Variants in PITX3 observed in about 807,000 individuals in gnomAD.
PITX3 encodes paired like homeodomain 3, also known as pituitary homeobox 3.
In PITX3, 4 loss-of-function variants were observed where a neutral mutation model predicts 14.2. That is an observed-to-expected ratio of 0.28 (90% confidence interval 0.14 to 0.65). PITX3 has a LOEUF of 0.65. Ranked by LOEUF, PITX3 falls within the 30% of genes least tolerant of loss-of-function variation. The pLI is 0.82. For synonymous variants in PITX3, 194 were observed against 204.5 expected, an observed-to-expected ratio of 0.95 and a Z score of 0.44; for missense variants, 358 against 426.8, an observed-to-expected ratio of 0.84 and a Z score of 1.42.
At chr10:102,231,854 G>C in intron 2 of PITX3, 64 bp from the exon 3 acceptor site, 1 of 1,578,390 alleles carries the variant, frequency 6.3e-7, no homozygotes, top group Non-Finnish European at 8.6e-7. Flanking sequence ...CCGGCTCGGG[G>C]ACCTCCTAAG....
intron 1 of PITX3, among the ~76,000 whole-genome samples, chr10:102,233,439 G>C (rs1194257853): frequency 6.6e-6 from 1 of 151,714 alleles, no homozygotes; most frequent in Non-Finnish European, 1.5e-5. Flanking sequence ...ATGTAGCTGG[G>C]ACTACAGGCA....
intron 1 of PITX3, among the ~76,000 whole-genome samples, chr10:102,236,401 C>CCACCCCTAGACTTTTTGCCA (rs1453242956): frequency 6.6e-6 from 1 of 152,206 alleles, no homozygotes; most frequent in Non-Finnish European, 1.5e-5. Flanking sequence ...GCTGCCGGCC[C>CCACCCCTAGACTTTTTGCCA]CACCCCTAGA....
chr10:102,240,905 G>A (rs988104691), intron 1 of PITX3, among the ~76,000 whole-genome samples: 1 of 152,186 alleles, frequency 6.6e-6, no homozygotes, highest in Non-Finnish European at 1.5e-5. Flanking sequence ...AGCCTAGGCC[G>A]AGGGGCATCG....
intron 1 of PITX3, among the ~76,000 whole-genome samples, chr10:102,236,905 T>G (rs2070409072): frequency 6.6e-6 from 1 of 152,200 alleles, no homozygotes; most frequent in Non-Finnish European, 1.5e-5. Flanking sequence ...GGTCCTTAAG[T>G]GGACATGGCT....
At chr10:102,237,320 C>T (rs7910399) in intron 1 of PITX3, among the ~76,000 whole-genome samples, 11,952 of 152,046 alleles carry the variant, frequency 0.079, 541 homozygotes, top group African/African-American at 0.12. Context: ...ATTGGGAGTT[C>T]AAGAGGAAGA....
chr10:102,240,658 T>C (rs1045551482), intron 1 of PITX3, among the ~76,000 whole-genome samples: 1 of 152,198 alleles, frequency 6.6e-6, no homozygotes, highest in South Asian at 2.1e-4. Context: ...CCGAGCCCCA[T>C]GCACCGCGGA....
chr10:102,236,753 G>A (rs145709120), intron 1 of PITX3, among the ~76,000 whole-genome samples: 7 of 152,312 alleles, frequency 4.6e-5, no homozygotes, highest in South Asian at 2.1e-4. Flanking sequence ...GCCCACAATC[G>A]GTTGCAATAA....
intron 1 of PITX3, among the ~76,000 whole-genome samples, chr10:102,240,150 TG>T (rs942732397): frequency 6.6e-6 from 1 of 152,310 alleles, no homozygotes; most frequent in Non-Finnish European, 1.5e-5. Flanking sequence ...GCAAGGAGTC[TG>T]GGGGGTGTCT....
Position 102,231,002 on chromosome 10 carries a change from C to G in PITX3, c.421G>C (p.Val141Leu), listed in dbSNP as rs764331094. Reference sequence around the variant, plus strand: ...GGGTACACCTCCTCGTAGGGCGGCACCAGCCCCCCGAGCGGCGCCGCGAAG... The same window carrying G: ...GGGTACACCTCCTCGTAGGGCGGCAGCAGCCCCCCGAGCGGCGCCGCGAAG... ...GSFAAPLGGL[V>L]PPYEEVYPGY... Residue 141 changes from valine to leucine, a missense_variant, in exon 4 of 4, where the codon GTG becomes CTG. Physicochemically the swap from Val to Leu is conservative, Grantham distance 32. Coordinates refer to ENST00000370002, the MANE Select transcript of PITX3 (RefSeq NM_005029.4). 1.3e-6 allele frequency: 2 copies of G among 1,599,914 alleles called. No homozygotes were observed. Among genetic ancestry groups the G allele is most frequent in the East Asian group, 4.5e-5 (2 of 44,220 alleles).
chr10:102,232,677 G>A (rs754504505), intron 1 of PITX3, among the ~76,000 whole-genome samples: 1 of 150,082 alleles, frequency 6.7e-6, no homozygotes, highest in Non-Finnish European at 1.5e-5. Flanking sequence ...GCAAGATGCT[G>A]TCTCAAAAAA....
chr10:102,230,441 C>A lies in PITX3; in HGVS notation c.*73G>T. ...GACCCTGGGGCGGGAGCAAGCCAGTCAAAATGACCCCAGTCCGCGGAGGCT... is the reference window on the plus strand; with the variant it reads ...GACCCTGGGGCGGGAGCAAGCCAGTAAAAATGACCCCAGTCCGCGGAGGCT... On this transcript the variant is annotated 3_prime_UTR_variant, in exon 4 of 4. Transcript: ENST00000370002. 6.5e-7 allele frequency: 1 copy of A among 1,536,846 alleles called. No homozygotes were observed. The highest frequency in any genetic ancestry group is 8.8e-7 in the Non-Finnish European group (1 of 1,137,390).
chr10:102,231,660 C>T lies in PITX3; in HGVS notation c.249G>A (p.Arg83=), dbSNP rs1376217104. The T allele has an allele frequency of 7.4e-6, 12 of 1,612,552 alleles. No homozygotes were observed. The highest frequency in any genetic ancestry group is 1.0e-5 in the Non-Finnish European group (12 of 1,179,450). The change falls in exon 3 of 4, where the codon AGG becomes AGA. Residue 83 remains arginine, a synonymous_variant. Coordinates refer to ENST00000370002, the MANE Select transcript of PITX3 (RefSeq NM_005029.4). ...GCGTGCTCATGTCGGGGTAGCGGTT[C>T]CTCTGGAAGGTCGCCTCTAGCTCCT... ...QLQELEATFQ[R]NRYPDMSTRE...
rs2281983 is a variant in PITX3, at chr10:102,231,624, G to T, written c.285C>A (p.Ile95=). ...RYPDMSTREE[I]AVWTNLTEAR... is the part of the protein sequence containing the mutation. ...CCTCGGTGAGGTTGGTCCACACGGCGATCTCCTCGCGCGTGCTCATGTCGG... is the reference window on the plus strand; with the variant it reads ...CCTCGGTGAGGTTGGTCCACACGGCTATCTCCTCGCGCGTGCTCATGTCGG... Residue 95 remains isoleucine (I), a synonymous_variant, in exon 3 of 4, where the codon ATC becomes ATA. Transcript: ENST00000370002. 2.5e-6 allele frequency: 4 copies of T among 1,609,532 alleles called. No individual in the cohort carries two copies. In the Admixed American group the frequency reaches 5.1e-5, roughly 20 times the overall value.
chr10:102,232,033 C>A lies in PITX3; in HGVS notation c.48G>T (p.Leu16=), dbSNP rs1213231713. The change falls in exon 2 of 4, where the codon CTG becomes CTT. Residue 16 remains leucine (L), a synonymous_variant. Transcript: ENST00000370002. ...GCGGAGTGCCAGCGTCTGACAGCGA[C>A]AGGGCAGGGCTCCGGGCCTCTGCCT... ...LSEAEARSPA[L]SLSDAGTPHP... is the part of the protein sequence containing the mutation. 1 of 1,607,312 alleles carries A rather than the reference C, an allele frequency of 6.2e-7. No individual in the cohort carries two copies. The highest frequency in any genetic ancestry group is 2.2e-5 in the East Asian group (1 of 44,762).
At chr10:102,236,319 G>A (rs1309835437) in intron 1 of PITX3, among the ~76,000 whole-genome samples, 9 of 152,234 alleles carry the variant, frequency 5.9e-5, no homozygotes, top group Admixed American at 2.0e-4. Context: ...GTTGATGCTA[G>A]TAAGAAATGC....
At chr10:102,238,202 T>C (rs545960381) in intron 1 of PITX3, among the ~76,000 whole-genome samples, 36 of 152,334 alleles carry the variant, frequency 2.4e-4, no homozygotes, top group Admixed American at 9.1e-4. Context: ...GCAGTGGCCA[T>C]GGACACCCTA....
intron 1 of PITX3, among the ~76,000 whole-genome samples, chr10:102,238,162 C>T (rs556452052): frequency 6.6e-6 from 1 of 152,300 alleles, no homozygotes; most frequent in African/African-American, 2.4e-5. Context: ...TTTTCCTTTT[C>T]CTCCCCATCA....
chr10:102,233,460 C>T (rs1023944718), intron 1 of PITX3, among the ~76,000 whole-genome samples: 1 of 151,844 alleles, frequency 6.6e-6, no homozygotes, highest in Non-Finnish European at 1.5e-5. Flanking sequence ...CGTGCCCCCA[C>T]GCCTGGCTAA....
At position 102,230,782 on chromosome 10, in the gene PITX3, G is replaced by T; in HGVS notation, c.641C>A (p.Ala214Asp). Residue 214 changes from alanine to aspartate, a missense_variant, in exon 4 of 4, where the codon GCC (alanine) becomes GAC (aspartate). Around this residue, in one of 3 missense-constraint regions of PITX3, gnomAD observed 236 missense variants for 250.2 expected, o/e 0.94. Coordinates refer to ENST00000370002, the MANE Select transcript of PITX3 (RefSeq NM_005029.4). ...GGGGCCCCCGCCCAGGCCCTGCAGGGCCCCAGGCCCTGGCACGGTGCCCGG... is the reference window on the plus strand; with the variant it reads ...GGGGCCCCCGCCCAGGCCCTGCAGGTCCCCAGGCCCTGGCACGGTGCCCGG... ...AAPGTVPGPG[A>D]LQGLGGGPPG... 3 of 1,542,930 alleles carry T rather than the reference G, an allele frequency of 1.9e-6. No homozygotes were observed. Among genetic ancestry groups the T allele is most frequent in the Non-Finnish European group, 2.6e-6 (3 of 1,143,520 alleles).
Sources: gnomAD v4.1 joint callset for allele counts (sites outside exome capture counted in the v4.1 genomes callset) on GRCh38, gnomAD v4.1.1 for gene constraint, gnomAD v4.1.1 regional missense constraint, MANE v1.5 for transcripts, NCBI Gene and HGNC (gene_info 2026-07-23, HGNC 2026-07-21) for gene names.